Variants in CAMKMT observed in about 807,000 individuals in gnomAD.
The protein encoded by CAMKMT is calmodulin-lysine N-methyltransferase, also known as CaM KMT.
Under a neutral mutation model 48.0 loss-of-function variants are expected in CAMKMT, and 53 were observed. The ratio of observed to expected loss-of-function variants is 1.10; its 90% CI spans 0.89 to 1.39. The LOEUF is 1.39. Ranked by LOEUF, CAMKMT falls within the 40% of genes most tolerant of loss-of-function variation. The pLI, the probability that CAMKMT is intolerant of heterozygous loss-of-function variation, is 0.00. For missense variants in CAMKMT, 428 were observed against 402.7 expected (o/e 1.06, Z -0.54); for synonymous variants, 165 against 152.3 (o/e 1.08, Z -0.61).
At chr2:44,467,084 A>G (rs1668155496) in intron 3 of CAMKMT, among the ~76,000 whole-genome samples, 2 of 151,514 alleles carry the variant, frequency 1.3e-5, no homozygotes, top group Non-Finnish European at 1.5e-5. Flanking sequence ...GACCCTGTCT[A>G]TACAAAAAAT....
intron 3 of CAMKMT, among the ~76,000 whole-genome samples, chr2:44,442,051 A>G (rs924322210): frequency 2.0e-5 from 3 of 152,216 alleles, no homozygotes; most frequent in Non-Finnish European, 2.9e-5. Context: ...CTTGAGAAGC[A>G]GGTAGCTCCC....
At chr2:44,566,345 G>C (rs1336431115) in intron 3 of CAMKMT, among the ~76,000 whole-genome samples, 1 of 152,162 alleles carries the variant, frequency 6.6e-6, no homozygotes, top group South Asian at 2.1e-4. Context: ...CTTTGGCTTT[G>C]TTCCAGAATT....
chr2:44,385,163 T>C (rs1680659957), intron 2 of CAMKMT, among the ~76,000 whole-genome samples: 1 of 152,126 alleles, frequency 6.6e-6, no homozygotes, highest in Non-Finnish European at 1.5e-5. Flanking sequence ...CTTTCAGCTG[T>C]GTTTTGTAGT....
chr2:44,406,529 C>T (rs1471097897), intron 3 of CAMKMT, among the ~76,000 whole-genome samples: 4 of 152,010 alleles, frequency 2.6e-5, no homozygotes, highest in Non-Finnish European at 5.9e-5. Context: ...TTTTGTTTAT[C>T]TTTTTTGTTG....
At chr2:44,525,047 A>G (rs1466015444) in intron 3 of CAMKMT, among the ~76,000 whole-genome samples, 1 of 151,966 alleles carries the variant, frequency 6.6e-6, no homozygotes, top group Non-Finnish European at 1.5e-5. Context: ...CTTTTATTTT[A>G]TATGAGGATA....
chr2:44,597,459 CTT>C (rs1450734684), intron 3 of CAMKMT, among the ~76,000 whole-genome samples: 1 of 152,170 alleles, frequency 6.6e-6, no homozygotes, highest in African/African-American at 2.4e-5. Flanking sequence ...ATTCTGAACT[CTT>C]TGTCAATCCT....
In CAMKMT at chr2:44,471,655, A is replaced by G. The variant is rs139973606; in HGVS notation, c.376+81350A>G. On this transcript the variant is annotated intron_variant, in intron 3 of 10. Coordinates refer to ENST00000378494, the MANE Select transcript of CAMKMT (RefSeq NM_024766.5). ...CATGACCTTGGAGTCAAGTAGTTAG[A>G]TGGTATAGCTTAAGCATTTACTAGC... is the stretch of plus-strand genomic sequence containing the variant. 3.3e-3 allele frequency among the ~76,000 whole-genome samples: 502 copies of G among 152,214 alleles called. 1 individual carries two copies. The highest frequency in any genetic ancestry group is 9.5e-3 in the Admixed American group (146 of 15,290).
intron 3 of CAMKMT, among the ~76,000 whole-genome samples, chr2:44,421,292 C>T (rs1683921778): frequency 6.6e-6 from 1 of 151,938 alleles, no homozygotes; most frequent in Non-Finnish European, 1.5e-5. Context: ...ATTTTTTTGG[C>T]AATGTGAAGA....
At chr2:44,460,662 G>C (rs1391475034) in intron 3 of CAMKMT, among the ~76,000 whole-genome samples, 1 of 151,702 alleles carries the variant, frequency 6.6e-6, no homozygotes, top group Non-Finnish European at 1.5e-5. Context: ...CTTTACAGGG[G>C]AGGTAATAAA....
chr2:44,608,307 C>A (rs1466035827), intron 3 of CAMKMT, among the ~76,000 whole-genome samples: 2 of 151,982 alleles, frequency 1.3e-5, no homozygotes, highest in East Asian at 3.9e-4. Context: ...CTCCTGACCT[C>A]GTGATCAGCC....
At chr2:44,757,443 G>A (rs1424675979) in intron 9 of CAMKMT, among the ~76,000 whole-genome samples, 1 of 152,182 alleles carries the variant, frequency 6.6e-6, no homozygotes, top group Non-Finnish European at 1.5e-5. Context: ...ATGTCTGGAA[G>A]CCTCAGTTTC....
chr2:44,411,329 G>A (rs1683191069), intron 3 of CAMKMT, among the ~76,000 whole-genome samples: 1 of 151,964 alleles, frequency 6.6e-6, no homozygotes, highest in Non-Finnish European at 1.5e-5. Flanking sequence ...GGGATACAAA[G>A]GTGAAAAAAA....
chr2:44,534,556 T>C (rs1666662687), intron 3 of CAMKMT, among the ~76,000 whole-genome samples: 1 of 152,094 alleles, frequency 6.6e-6, no homozygotes, highest in Non-Finnish European at 1.5e-5. Flanking sequence ...ACAATTAAAC[T>C]AGAAATCAAT....
chr2:44,387,749 G>A (rs567477576), intron 2 of CAMKMT, among the ~76,000 whole-genome samples: 1 of 152,186 alleles, frequency 6.6e-6, no homozygotes, highest in Admixed American at 6.5e-5. Flanking sequence ...CTCAGTATTT[G>A]TCTGAAAAAG....
At chr2:44,442,614 C>G (rs1300183068) in intron 3 of CAMKMT, among the ~76,000 whole-genome samples, 1 of 152,168 alleles carries the variant, frequency 6.6e-6, no homozygotes, top group Non-Finnish European at 1.5e-5. Context: ...TTCAAGGGCT[C>G]CTCTTAATTC....
At chr2:44,393,682 A>G (rs112941033) in intron 3 of CAMKMT, among the ~76,000 whole-genome samples, 2 of 152,186 alleles carry the variant, frequency 1.3e-5, no homozygotes, top group African/African-American at 4.8e-5. Context: ...ATAGGATGAC[A>G]TCTTTCACCT....
chr2:44,498,467 G>A (rs1460579160), intron 3 of CAMKMT, among the ~76,000 whole-genome samples: 1 of 152,176 alleles, frequency 6.6e-6, no homozygotes, highest in South Asian at 2.1e-4. Flanking sequence ...CTCTACGTAA[G>A]GTTAAGATGT....
Position 44,527,607 on chromosome 2 carries a change from A to G in CAMKMT, c.376+137302A>G, listed in dbSNP as rs1666219335. 2.0e-5 allele frequency among the ~76,000 whole-genome samples: 3 copies of G among 151,498 alleles called. No homozygotes were observed. The Admixed American group carries it at 2.0e-4, about 10-fold the overall frequency. On this transcript the variant is annotated intron_variant, in intron 3 of 10. Coordinates refer to ENST00000378494, the MANE Select transcript of CAMKMT (RefSeq NM_024766.5). ...TTTTAAAGATTTACTCACTGAGACA[A>G]TAATAGAGCTTTAAGAAGCAGCAGT...
intron 9 of CAMKMT, among the ~76,000 whole-genome samples, chr2:44,757,784 G>A (rs377722832): frequency 1.3e-5 from 2 of 152,020 alleles, no homozygotes; most frequent in African/African-American, 2.4e-5. Context: ...GGCTGGTCTC[G>A]AACTCCTGAC....
Sources: allele counts gnomAD v4.1 joint callset (sites outside exome capture counted in the v4.1 genomes callset), GRCh38; gene constraint gnomAD v4.1.1; transcripts MANE v1.5; gene names NCBI Gene and HGNC (gene_info 2026-07-23, HGNC 2026-07-21).